CLVS1: variants seen among roughly 807,000 people sequenced by gnomAD.
The protein encoded by CLVS1 is clavesin 1.
In CLVS1, 10 loss-of-function variants were observed where a neutral mutation model predicts 33.1. The ratio of observed to expected loss-of-function variants is 0.30; its 90% CI spans 0.19 to 0.51. The LOEUF (loss-of-function observed/expected upper bound fraction) is 0.51, where lower values mean the gene tolerates loss of function less well. CLVS1 is among the 20% of genes least tolerant of loss of function. The probability of loss-of-function intolerance (pLI) is 0.97; values close to 1 mark genes in which losing one functional copy is unlikely to be tolerated. For synonymous variants in CLVS1, 163 were observed against 166.1 expected (o/e 0.98, Z 0.14); for missense variants, 343 against 433.4 (o/e 0.79, Z 1.85).
intron 5 of CLVS1, among the ~76,000 whole-genome samples, chr8:61,492,318 A>G (rs1461118470): frequency 1.3e-5 from 2 of 152,258 alleles, no homozygotes; most frequent in Non-Finnish European, 2.9e-5. Flanking sequence ...AGTTAAATAA[A>G]TATTAATGAG....
chr8:61,320,036 T>C (rs900655645), intron 2 of CLVS1, among the ~76,000 whole-genome samples: 1 of 152,168 alleles, frequency 6.6e-6, no homozygotes, highest in Non-Finnish European at 1.5e-5. Flanking sequence ...CTTCCTTAAG[T>C]ACTATACTCT....
Position 61,300,202 on chromosome 8 carries a change from G to A in CLVS1, c.375G>A (p.Gly125=), listed in dbSNP as rs377267033. 6.2e-7 allele frequency: 1 copy of A among 1,613,972 alleles called. No homozygotes were observed. The highest frequency in any genetic ancestry group is 2.2e-5 in the East Asian group (1 of 44,872). The change falls in exon 2 of 6, where the codon GGG becomes GGA. Residue 125 remains glycine (G), a synonymous_variant. Coordinates refer to ENST00000325897, the MANE Select transcript of CLVS1 (RefSeq NM_173519.3). The stretch of plus-strand genomic sequence containing the variant: ...GCATTAAGAGGGCTCTGATCGATGG[G>A]TTCCCCGGGGTGCTGGAAAACCGAG... ...DPGIKRALID[G]FPGVLENRDH...
intron 1 of CLVS1, among the ~76,000 whole-genome samples, chr8:61,066,989 G>A (rs563828207): frequency 3.9e-5 from 6 of 152,180 alleles, no homozygotes; most frequent in Middle Eastern, 6.8e-3. Context: ...CACTGAGCAC[G>A]TGCTGTGTGC....
chr8:61,080,266 C>G (rs1305357315), intron 1 of CLVS1, among the ~76,000 whole-genome samples: 1 of 152,164 alleles, frequency 6.6e-6, no homozygotes, highest in African/African-American at 2.4e-5. Context: ...ACTTGGTCAC[C>G]AGTAGCTCCC....
At chr8:61,467,759 C>T (rs1817599795) in intron 5 of CLVS1, among the ~76,000 whole-genome samples, 1 of 152,182 alleles carries the variant, frequency 6.6e-6, no homozygotes, top group East Asian at 1.9e-4. Context: ...TACCACATTG[C>T]AGAAGCCTCT....
chr8:60,975,469 A>AACAGACAC, the CLVS1 span, among the ~76,000 whole-genome samples: 1 of 152,174 alleles, frequency 6.6e-6, no homozygotes, highest in African/African-American at 2.4e-5. Flanking sequence ...GGAACTGGCA[A>AACAGACAC]ACAGACACAC....
the CLVS1 span, among the ~76,000 whole-genome samples, chr8:60,984,755 G>C: frequency 6.6e-6 from 1 of 152,120 alleles, no homozygotes; most frequent in Non-Finnish European, 1.5e-5. Flanking sequence ...ATTTTCCTAG[G>C]GACTCTATGA....
intron 2 of CLVS1, among the ~76,000 whole-genome samples, chr8:61,151,711 T>C (rs1194187960): frequency 1.3e-5 from 2 of 152,202 alleles, no homozygotes; most frequent in Non-Finnish European, 2.9e-5. Context: ...AGAGGGACCC[T>C]GCTGGTTCAC....
intron 2 of CLVS1, among the ~76,000 whole-genome samples, chr8:61,186,130 G>T (rs1410657154): frequency 6.6e-6 from 1 of 152,140 alleles, no homozygotes; most frequent in Non-Finnish European, 1.5e-5. Context: ...TGCCAACACT[G>T]CATGGCCTGT....
chr8:61,070,752 G>T (rs1804779657), intron 1 of CLVS1, among the ~76,000 whole-genome samples: 1 of 152,156 alleles, frequency 6.6e-6, no homozygotes, highest in Non-Finnish European at 1.5e-5. Context: ...AGGTGGGAGG[G>T]TTGCTTGAGC....
At chr8:61,201,101 G>A (rs1807722372) in intron 2 of CLVS1, among the ~76,000 whole-genome samples, 1 of 152,070 alleles carries the variant, frequency 6.6e-6, no homozygotes, top group African/African-American at 2.4e-5. Context: ...CACACACAAA[G>A]CAATTCCAGC....
chr8:61,427,379 C>T (rs1342059879), intron 3 of CLVS1, among the ~76,000 whole-genome samples: 1 of 152,116 alleles, frequency 6.6e-6, no homozygotes, highest in Non-Finnish European at 1.5e-5. Flanking sequence ...CAGTCATTAT[C>T]CCAAGTCTGT....
chr8:61,096,379 T>A (rs1210265016), intron 1 of CLVS1, among the ~76,000 whole-genome samples: 1 of 152,238 alleles, frequency 6.6e-6, no homozygotes, highest in Admixed American at 6.5e-5. Flanking sequence ...TGCTTTTCTT[T>A]CCTACCCTCT....
At chr8:61,304,907 A>G (rs922239203) in intron 2 of CLVS1, among the ~76,000 whole-genome samples, 1 of 152,220 alleles carries the variant, frequency 6.6e-6, no homozygotes, top group African/African-American at 2.4e-5. Flanking sequence ...GGCTGTTGCA[A>G]GAATTAATCA....
intron 4 of CLVS1, among the ~76,000 whole-genome samples, chr8:61,456,084 G>A (rs1817144469): frequency 6.6e-6 from 1 of 152,208 alleles, no homozygotes; most frequent in African/African-American, 2.4e-5. Flanking sequence ...TTCTATTCAG[G>A]TTGGAGCGAG....
At chr8:61,496,306 G>A (rs949679391) in intron 5 of CLVS1, among the ~76,000 whole-genome samples, 5 of 152,110 alleles carry the variant, frequency 3.3e-5, no homozygotes, top group Non-Finnish European at 7.4e-5. Context: ...TTTTCCACAG[G>A]GTCCGTAGGT....
the CLVS1 span, among the ~76,000 whole-genome samples, chr8:61,018,976 A>T: frequency 4.6e-5 from 7 of 152,318 alleles, no homozygotes; most frequent in East Asian, 1.3e-3. Context: ...AGTGACTTAC[A>T]TGGTGTGTCC....
At position 61,500,658 on chromosome 8, in the gene CLVS1, T is replaced by TGATA. The variant is rs1804683691; in HGVS notation, c.*1117_*1120dup. 1 of 152,168 alleles carries TGATA rather than the reference T, an allele frequency of 6.6e-6. No individual in the cohort carries two copies. Among genetic ancestry groups the TGATA allele is most frequent in the Non-Finnish European group, 1.5e-5 (1 of 68,034 alleles). 9.4% of individuals were successfully genotyped at this position (152,168 alleles called of 1,614,324 possible). ...ACATAAAATAAACAGACATCATATA[T>TGATA]GATATCCTTACTTGTGCCATGTTTT... is the stretch of plus-strand genomic sequence containing the variant. On this transcript the variant is annotated 3_prime_UTR_variant, in exon 6 of 6. Transcript: ENST00000325897.
In CLVS1 at chr8:61,299,767, G is replaced by T. The variant is rs114990777; in HGVS notation, c.-61G>T. 10 of 1,279,326 alleles carry T rather than the reference G, an allele frequency of 7.8e-6. No homozygotes were observed. The highest frequency in any genetic ancestry group is 4.4e-5 in the African/African-American group (3 of 67,466). The allele number at this position is 1,279,326 out of a possible 1,614,324, so 79.2% of individuals were successfully genotyped here. On this transcript the variant is annotated 5_prime_UTR_variant, in exon 2 of 6. Coordinates refer to ENST00000325897, the MANE Select transcript of CLVS1 (RefSeq NM_173519.3). ...AGAAGACCCTCTATTTGTCTGTTCC[G>T]GGGCAGCCTGGTAGTAAAACACTGT...
Sources: gnomAD v4.1 joint callset for allele counts (sites outside exome capture counted in the v4.1 genomes callset) on GRCh38, gnomAD v4.1.1 for gene constraint, MANE v1.5 for transcripts, NCBI Gene and HGNC (gene_info 2026-07-23, HGNC 2026-07-21) for gene names.